ABI1: variants seen among roughly 807,000 people sequenced by gnomAD.
ABI1 encodes the protein abl interactor 1.
A neutral mutation model predicts 54.6 loss-of-function variants in ABI1; 14 were observed. That is an observed-to-expected ratio of 0.26 (90% CI 0.17 to 0.40). ABI1 has a LOEUF of 0.40. Among genes scored for constraint, ABI1 ranks in the 10% least tolerant of loss-of-function variants. The probability of loss-of-function intolerance (pLI) is 1.00; values close to 1 mark genes in which losing one functional copy is unlikely to be tolerated. For missense variants in ABI1, 443 were observed against 598.3 expected (o/e 0.74, Z 2.71); for synonymous variants, 194 against 209.3 (o/e 0.93, Z 0.63).
chr10:26,760,552 A>C (rs1159290866), intron 7 of ABI1, among the ~76,000 whole-genome samples: 4 of 152,234 alleles, frequency 2.6e-5, no homozygotes, highest in Admixed American at 2.6e-4. Flanking sequence ...GCCTTCGTGA[A>C]TAAGTAATTT....
intron 8 of ABI1, among the ~76,000 whole-genome samples, chr10:26,756,417 ATCAG>A (rs1055118075): frequency 2.0e-5 from 3 of 152,170 alleles, no homozygotes; most frequent in African/African-American, 7.2e-5. Context: ...TATCATGTTA[ATCAG>A]TCAGAGTTTC....
At chr10:26,751,412 A>G (rs1837613038) in intron 10 of ABI1, among the ~76,000 whole-genome samples, 186 bp downstream of exon 10, 1 of 152,168 alleles carries the variant, frequency 6.6e-6, no homozygotes, top group South Asian at 2.1e-4. Context: ...TATTTAAAAT[A>G]CAAAGAAAGA....
intron 1 of ABI1, among the ~76,000 whole-genome samples, chr10:26,845,432 C>T (rs2134137480): frequency 6.6e-6 from 1 of 152,178 alleles, no homozygotes; most frequent in South Asian, 2.1e-4. Flanking sequence ...CACCTGAGGT[C>T]AGGAGTTCGA....
chr10:26,775,191 C>T (rs1841226488), intron 3 of ABI1, among the ~76,000 whole-genome samples: 2 of 152,080 alleles, frequency 1.3e-5, no homozygotes, highest in South Asian at 4.1e-4. Context: ...AACAATGATC[C>T]TTTAGAGAGA....
At position 26,856,275 on chromosome 10, in the gene ABI1, G is replaced by GA. The variant is rs199900095; in HGVS notation, c.117+4471dup. Among the ~76,000 whole-genome samples, 927 of 105,474 alleles carry GA rather than the reference G, an allele frequency of 8.8e-3. 3 individuals are homozygous for GA. Among genetic ancestry groups the GA allele is most frequent in the Middle Eastern group, 0.014 (3 of 220 alleles). The allele number at this position is 105,474 out of a possible 152,430, so 69.2% of individuals were successfully genotyped here. A position where few individuals can be genotyped will look rare whatever the true frequency, so the allele number is the denominator to read the frequency against. On this transcript the variant is annotated intron_variant, in intron 1 of 10. Coordinates refer to ENST00000376140, the MANE Select transcript of ABI1 (RefSeq NM_001012750.3). Reference sequence around the variant, plus strand: ...GTGACAGAGTAAGGCTCTGTCTAAAGAAAAAAAAAAAAAAACCCATTCAGG... The same window carrying GA: ...GTGACAGAGTAAGGCTCTGTCTAAAGAAAAAAAAAAAAAAAACCCATTCAGG...
Position 26,860,082 on chromosome 10 carries a change from T to C in ABI1, c.117+665A>G, listed in dbSNP as rs866574654. Among the ~76,000 whole-genome samples the C allele has an allele frequency of 5.9e-5, 9 of 152,240 alleles. 1 individual carries two copies. In the South Asian group the frequency reaches 1.2e-3, roughly 21 times the overall value. On this transcript the variant is annotated intron_variant, in intron 1 of 10. Coordinates refer to ENST00000376140, the MANE Select transcript of ABI1 (RefSeq NM_001012750.3). This position sits in a 1 kb window ranked among gnomAD's most constrained non-coding sequence, Gnocchi z 4.1. ...AAAGGAATTTTAAGATGAACTTCTC[T>C]CAAACGCCCTCCCTCACTCCCCACA...
At chr10:26,804,553 T>C (rs973111386) in intron 2 of ABI1, among the ~76,000 whole-genome samples, 1 of 152,168 alleles carries the variant, frequency 6.6e-6, no homozygotes, top group African/African-American at 2.4e-5. Context: ...ACATGTTAAA[T>C]GTTTATTCGA....
intron 1 of ABI1, 114 bp from the exon 2 acceptor site, chr10:26,823,419 C>A: frequency 8.4e-6 from 7 of 830,842 alleles, no homozygotes; most frequent in Non-Finnish European, 1.2e-5. Flanking sequence ...TAAAAAAAAA[C>A]TCACTGTACC....
chr10:26,839,706 G>A (rs10829091), intron 1 of ABI1: 16 of 696,172 alleles, frequency 2.3e-5, no homozygotes, highest in South Asian at 7.5e-5. Context: ...ATCCCAATGC[G>A]TTGGGAGGTC....
chr10:26,792,411 G>C (rs1465032620), intron 2 of ABI1, among the ~76,000 whole-genome samples: 1 of 152,170 alleles, frequency 6.6e-6, no homozygotes, highest in African/African-American at 2.4e-5. Flanking sequence ...AAAAAGGAGA[G>C]TGGGGAAAAA....
intron 2 of ABI1, among the ~76,000 whole-genome samples, chr10:26,804,749 T>C (rs530615986): frequency 6.6e-6 from 1 of 152,206 alleles, no homozygotes; most frequent in South Asian, 2.1e-4. Context: ...GTAGGAAAAA[T>C]CACACAGTGA....
chr10:26,822,432 T>C (rs2048041954), intron 2 of ABI1, among the ~76,000 whole-genome samples: 1 of 152,200 alleles, frequency 6.6e-6, no homozygotes, highest in African/African-American at 2.4e-5. Context: ...TTCATAGGAT[T>C]TGTAATAGCC....
chr10:26,775,929 C>A (rs1286598382), intron 3 of ABI1, among the ~76,000 whole-genome samples: 1 of 152,106 alleles, frequency 6.6e-6, no homozygotes, highest in Non-Finnish European at 1.5e-5. Context: ...TATCCTTTTT[C>A]TTTAAATCCC....
rs781477425 is a variant in ABI1, at chr10:26,763,841, AAAGTG to A, written c.820+1372_820+1376del. Reference sequence around the variant, plus strand: ...CAGAGGAGTTTATTATGAATTATGTAAAGTGAGTTCAATGGCTCCAATGGCTATGC... The same window carrying A: ...CAGAGGAGTTTATTATGAATTATGTAAGTTCAATGGCTCCAATGGCTATGC... On this transcript the variant is annotated intron_variant, in intron 7 of 10. Transcript: ENST00000376140. The A allele has an allele frequency of 4.5e-6, 7 of 1,551,208 alleles. No homozygotes were observed. In the Admixed American group the frequency reaches 8.4e-5, roughly 19 times the overall value.
intron 2 of ABI1, among the ~76,000 whole-genome samples, chr10:26,795,795 A>G (rs772227004): frequency 7.9e-5 from 12 of 152,178 alleles, no homozygotes; most frequent in African/African-American, 1.4e-4. Flanking sequence ...GGAATAATTA[A>G]TATTGTTAAA....
chr10:26,805,548 GCTTC>G (rs1272348804), intron 2 of ABI1, among the ~76,000 whole-genome samples: 12 of 152,274 alleles, frequency 7.9e-5, no homozygotes, highest in African/African-American at 2.4e-4. Context: ...CTGAAGATTT[GCTTC>G]CTTAACCCCA....
chr10:26,835,197 T>C (rs1247164323), intron 1 of ABI1, among the ~76,000 whole-genome samples: 4 of 150,718 alleles, frequency 2.7e-5, no homozygotes, highest in Non-Finnish European at 5.9e-5. Flanking sequence ...AGAGAGGACA[T>C]GGAGAAAGGG....
rs1461066402 is a variant in ABI1 at position 26,848,351 on chromosome 10, T to C, written c.117+12396A>G. 1.7e-4 allele frequency among the ~76,000 whole-genome samples: 26 copies of C among 151,960 alleles called. 1 individual carries two copies. Among genetic ancestry groups the C allele is most frequent in the Non-Finnish European group, 1.5e-5 (1 of 68,004 alleles). ...TTAGAAATGAATGATTGTTATATCA[T>C]TTTAAAATTAAAAATATTATTTCTC... On this transcript the variant is annotated intron_variant, in intron 1 of 10. Transcript: ENST00000376140.
chr10:26,793,393 T>G (rs1843715500), intron 2 of ABI1, among the ~76,000 whole-genome samples: 1 of 152,186 alleles, frequency 6.6e-6, no homozygotes, highest in African/African-American at 2.4e-5. Flanking sequence ...TTAACTTGAT[T>G]CAGAATGACC....
Sources: gnomAD v4.1 joint callset for allele counts (sites outside exome capture counted in the v4.1 genomes callset) on GRCh38, gnomAD v4.1.1 for gene constraint, Gnocchi (gnomAD v3.1) non-coding constraint, MANE v1.5 for transcripts, NCBI Gene and HGNC (gene_info 2026-07-23, HGNC 2026-07-21) for gene names.